FGGY: variants seen among roughly 807,000 people sequenced by gnomAD.
The protein encoded by FGGY is FGGY carbohydrate kinase domain-containing protein.
A neutral mutation model predicts 71.3 loss-of-function variants in FGGY; 72 were observed. The ratio of observed to expected loss-of-function variants is 1.01; its 90% CI spans 0.84 to 1.23. FGGY has a LOEUF of 1.23. FGGY is among the 50% of genes most tolerant of loss of function. The pLI is 0.00. For synonymous variants in FGGY, 251 were observed against 250.3 expected (o/e 1.00, Z -0.02); for missense variants, 668 against 682.3 (o/e 0.98, Z 0.23).
intron 5 of FGGY, among the ~76,000 whole-genome samples, chr1:59,408,932 G>A (rs2063179212): frequency 6.6e-6 from 1 of 152,090 alleles, no homozygotes; most frequent in African/African-American, 2.4e-5. Context: ...TCTATGAAGT[G>A]TTTGCTTTTA....
intron 14 of FGGY, chr1:59,699,247 C>G: frequency 1.0e-6 from 1 of 985,048 alleles, no homozygotes; most frequent in Non-Finnish European, 1.2e-6. Flanking sequence ...TGATATTTTT[C>G]TTCTTCTTGG....
At chr1:59,697,569 T>C (rs2097672205) in intron 14 of FGGY, 2 of 739,380 alleles carry the variant, frequency 2.7e-6, no homozygotes. Flanking sequence ...ACATAGCTTG[T>C]TCTCTGTGAT....
At chr1:59,484,829 T>G (rs2153574108) in intron 6 of FGGY, among the ~76,000 whole-genome samples, 1 of 152,316 alleles carries the variant, frequency 6.6e-6, no homozygotes, top group South Asian at 2.1e-4. Context: ...ACACATTAAT[T>G]TTAGCATTCA....
chr1:59,379,802 C>CT lies in FGGY; in HGVS notation c.554+974dup, dbSNP rs200376857. 9.8e-3 allele frequency among the ~76,000 whole-genome samples: 1,472 copies of CT among 150,670 alleles called. 7 individuals are homozygous for CT. Among genetic ancestry groups the CT allele is most frequent in the South Asian group, 0.015 (70 of 4,744 alleles). ...GTATTCTTATTCAATATGCTTTTTT[C>CT]TTTTTTTTTCATTATACTTTAAGTT... On this transcript the variant is annotated intron_variant, in intron 5 of 15. Transcript: ENST00000303721.
intron 7 of FGGY, among the ~76,000 whole-genome samples, chr1:59,546,956 T>C (rs1235449748): frequency 6.8e-6 from 1 of 147,566 alleles, no homozygotes; most frequent in Non-Finnish European, 1.5e-5. Flanking sequence ...TTGACTTTTT[T>C]TTTTTTTTTT....
intron 14 of FGGY, among the ~76,000 whole-genome samples, chr1:59,732,981 G>A (rs553464475): frequency 4.1e-4 from 63 of 152,046 alleles, no homozygotes; most frequent in African/African-American, 1.4e-3. Context: ...CTGTTCATTC[G>A]CTCTGCTTCA....
intron 2 of FGGY, among the ~76,000 whole-genome samples, chr1:59,323,093 A>G (rs997070495): frequency 2.0e-5 from 3 of 152,250 alleles, no homozygotes; most frequent in East Asian, 1.9e-4. Flanking sequence ...TCTTTTGCCC[A>G]TTTAATTTTC....
chr1:59,345,967 A>T (rs1489545352), intron 3 of FGGY, among the ~76,000 whole-genome samples: 1 of 152,202 alleles, frequency 6.6e-6, no homozygotes, highest in East Asian at 1.9e-4. Context: ...AATTTGAGAG[A>T]GAATACTTGA....
At chr1:59,416,544 T>G (rs2064458905) in intron 5 of FGGY, among the ~76,000 whole-genome samples, 1 of 152,190 alleles carries the variant, frequency 6.6e-6, no homozygotes, top group South Asian at 2.1e-4. Flanking sequence ...AAAACACAAA[T>G]AGTCTTGATT....
intron 5 of FGGY, among the ~76,000 whole-genome samples, chr1:59,444,317 G>A (rs1343395615): frequency 6.6e-6 from 1 of 152,018 alleles, no homozygotes; most frequent in East Asian, 1.9e-4. Flanking sequence ...CATATTCATG[G>A]GGTACATAGC....
chr1:59,580,498 T>G (rs994593085), intron 8 of FGGY, among the ~76,000 whole-genome samples: 3 of 152,088 alleles, frequency 2.0e-5, no homozygotes, highest in African/African-American at 7.2e-5. Context: ...CAGATTTAAT[T>G]CCTCTTTCCC....
intron 9 of FGGY, among the ~76,000 whole-genome samples, chr1:59,612,564 A>G (rs2096698833): frequency 6.6e-6 from 1 of 152,198 alleles, no homozygotes; most frequent in African/African-American, 2.4e-5. Flanking sequence ...AAAGACCATC[A>G]AGGCTGGGAA....
intron 6 of FGGY, among the ~76,000 whole-genome samples, chr1:59,460,344 A>G (rs1050999593): frequency 1.3e-5 from 2 of 152,180 alleles, no homozygotes; most frequent in Non-Finnish European, 2.9e-5. Context: ...CAGTGAGGCC[A>G]GGGGAGAGGC....
chr1:59,329,811 T>G (rs1335253423), intron 2 of FGGY, among the ~76,000 whole-genome samples: 4 of 152,230 alleles, frequency 2.6e-5, no homozygotes, highest in African/African-American at 9.7e-5. Flanking sequence ...TAATTACAAT[T>G]AAATATAATT....
At chr1:59,702,648 G>A (rs1326086363) in intron 14 of FGGY, among the ~76,000 whole-genome samples, 2 of 152,182 alleles carry the variant, frequency 1.3e-5, no homozygotes, top group African/African-American at 4.8e-5. Flanking sequence ...GTAGGGACTA[G>A]ATTCTAGTCT....
At chr1:59,753,716 T>G (rs1392596887) in intron 14 of FGGY, among the ~76,000 whole-genome samples, 7 of 151,864 alleles carry the variant, frequency 4.6e-5, no homozygotes, top group Non-Finnish European at 7.4e-5. Flanking sequence ...AACTTGTTTT[T>G]AACAAGTTAT....
chr1:59,337,224 C>A (rs978162158), intron 2 of FGGY, among the ~76,000 whole-genome samples: 13 of 152,142 alleles, frequency 8.5e-5, no homozygotes, highest in Non-Finnish European at 2.9e-5. Context: ...CTGAATAAGT[C>A]TGAGGGTGAA....
chr1:59,592,817 T>G (rs1045125271), intron 8 of FGGY, among the ~76,000 whole-genome samples: 3 of 151,450 alleles, frequency 2.0e-5, no homozygotes, highest in African/African-American at 7.3e-5. Flanking sequence ...GATAGCATTA[T>G]GAGATATACC....
At chr1:59,482,570 ATGTGTG>A (rs5774470) in intron 6 of FGGY, among the ~76,000 whole-genome samples, 27 of 148,044 alleles carry the variant, frequency 1.8e-4, no homozygotes, top group Middle Eastern at 3.5e-3. Context: ...GTGTATATAT[ATGTGTG>A]TGTGTGTGTG....
Sources: allele counts gnomAD v4.1 joint callset (sites outside exome capture counted in the v4.1 genomes callset), GRCh38; gene constraint gnomAD v4.1.1; transcripts MANE v1.5; gene names NCBI Gene and HGNC (gene_info 2026-07-23, HGNC 2026-07-21).